Variants in VPS13B observed in about 807,000 individuals in gnomAD.
VPS13B encodes vacuolar protein sorting 13 homolog B, also known as intermembrane lipid transfer protein VPS13B.
Under a neutral mutation model 426.4 loss-of-function variants are expected in VPS13B, and 285 were observed. That is an observed-to-expected ratio of 0.67 (90% CI 0.61 to 0.74). The LOEUF (loss-of-function observed/expected upper bound fraction) is 0.74, where lower values mean the gene tolerates loss of function less well. Ranked by LOEUF, VPS13B falls within the 30% of genes least tolerant of loss-of-function variation. The pLI, the probability that VPS13B is intolerant of heterozygous loss-of-function variation, is 0.00. For synonymous variants in VPS13B, 1,676 were observed against 1,676.4 expected, an observed-to-expected ratio of 1.00 and a Z score of 0.01; for missense variants, 4,537 against 4,782.6, an observed-to-expected ratio of 0.95 and a Z score of 1.51.
At chr8:99,513,855 T>C (rs1821918841) in intron 29 of VPS13B, among the ~76,000 whole-genome samples, 1 of 152,168 alleles carries the variant, frequency 6.6e-6, no homozygotes, top group African/African-American at 2.4e-5. Context: ...TTAAAATGGG[T>C]ATCTAATAAT....
At position 99,025,666 on chromosome 8, in the gene VPS13B, C is replaced by T. The variant is rs530285533; in HGVS notation, c.147+11731C>T. Among the ~76,000 whole-genome samples, 4 of 152,164 alleles carry T rather than the reference C, an allele frequency of 2.6e-5. No homozygotes were observed. The East Asian group carries it at 5.8e-4, about 22-fold the overall frequency. On this transcript the variant is annotated intron_variant, in intron 2 of 61. Coordinates refer to ENST00000357162, the MANE Select transcript of VPS13B (RefSeq NM_152564.5). ...TCTTTTTCAAAAGTTTAGTGGAATT[C>T]AGTAGTGAAGCCATTCAGTCCCAGG...
chr8:99,188,215 A>C (rs1204604145), intron 16 of VPS13B, among the ~76,000 whole-genome samples: 1 of 152,118 alleles, frequency 6.6e-6, no homozygotes, highest in African/African-American at 2.4e-5. Flanking sequence ...GGTTTTTACT[A>C]TATTCACAGT....
At chr8:99,022,154 T>G (rs925436683) in intron 2 of VPS13B, among the ~76,000 whole-genome samples, 5 of 151,824 alleles carry the variant, frequency 3.3e-5, no homozygotes, top group Non-Finnish European at 5.9e-5. Flanking sequence ...TCTTTCACTT[T>G]TTTTGGATTT....
At chr8:99,168,295 A>T (rs1446506107) in intron 15 of VPS13B, among the ~76,000 whole-genome samples, 1 of 152,050 alleles carries the variant, frequency 6.6e-6, no homozygotes, top group Non-Finnish European at 1.5e-5. Flanking sequence ...AGTTTCCCCA[A>T]AGCCCTTTGC....
In VPS13B at chr8:99,442,548, C is replaced by T; in HGVS notation, c.3358C>T (p.Gln1120Ter). 1 of 1,613,936 alleles carries T rather than the reference C, an allele frequency of 6.2e-7. No individual in the cohort carries two copies. The highest frequency in any genetic ancestry group is 8.5e-7 in the Non-Finnish European group (1 of 1,179,910). Reference protein sequence around the residue: ...MPGTLVLCLPQIKIISAGHKY... With the variant: ...MPGTLVLCLP ...GGGAACACTTGTCCTCTGTTTGCCT[C>T]AAATAAAGATTATTAGTGCTGGGCA... is the stretch of plus-strand genomic sequence containing the variant. Residue 1120 changes from glutamine (Q) to a stop codon, truncating the protein, a stop_gained, in exon 23 of 62, where the codon CAA (glutamine) becomes TAA (stop). Transcript: ENST00000357162. LOFTEE classifies it high-confidence loss of function.
intron 39 of VPS13B, among the ~76,000 whole-genome samples, chr8:99,766,066 C>CTTTTTTTTTTTT (rs71274933): frequency 1.9e-5 from 1 of 52,314 alleles, no homozygotes; most frequent in Non-Finnish European, 3.2e-5. Flanking sequence ...ACCTTCATTA[C>CTTTTTTTTTTTT]TTTTTTTTTT....
At chr8:99,474,713 A>C (rs972585902) in intron 24 of VPS13B, among the ~76,000 whole-genome samples, 1 of 152,208 alleles carries the variant, frequency 6.6e-6, no homozygotes, top group African/African-American at 2.4e-5. Context: ...CAATATGTGG[A>C]CCAACTGGAA....
intron 17 of VPS13B, chr8:99,233,714 G>A: frequency 2.5e-6 from 2 of 784,584 alleles, no homozygotes; most frequent in Non-Finnish European, 4.7e-6. Context: ...CTGCAAGGAT[G>A]AGATTGTTAT....
At chr8:99,077,258 C>T (rs1989645) in intron 3 of VPS13B, among the ~76,000 whole-genome samples, 111,600 of 151,874 alleles carry the variant, frequency 0.73, 41,738 homozygotes, top group South Asian at 0.87. Flanking sequence ...CTGCAACCTC[C>T]GCCTCCCAGG....
intron 25 of VPS13B, 119 bp from the exon 26 acceptor site, chr8:99,501,568 T>C (rs1009551387): frequency 1.0e-6 from 1 of 965,116 alleles, no homozygotes; most frequent in Non-Finnish European, 1.6e-6. Context: ...ATGATTATCA[T>C]TTGCATGTAA....
intron 34 of VPS13B, among the ~76,000 whole-genome samples, chr8:99,657,626 G>A (rs1252624416): frequency 1.3e-5 from 2 of 151,996 alleles, no homozygotes; most frequent in Non-Finnish European, 2.9e-5. Flanking sequence ...GTTATCAGTA[G>A]CATAGTATTC....
At chr8:99,025,216 T>A (rs1842076089) in intron 2 of VPS13B, among the ~76,000 whole-genome samples, 1 of 152,186 alleles carries the variant, frequency 6.6e-6, no homozygotes, top group African/African-American at 2.4e-5. Flanking sequence ...TGAGATCTTG[T>A]CTTCTGCAAA....
chr8:99,776,837 C>G lies in VPS13B; in HGVS notation c.7310C>G (p.Ala2437Gly). The change falls in exon 41 of 62, where the codon GCT becomes GGT. Residue 2437 changes from alanine to glycine, a missense_variant. Transcript: ENST00000357162. Reference sequence around the variant, plus strand: ...CCACTTGTGACTCCAACAGCCCTGGCTGCCTGTACCAGAGTTGACTCCTGC... The same window carrying G: ...CCACTTGTGACTCCAACAGCCCTGGGTGCCTGTACCAGAGTTGACTCCTGC... The part of the protein sequence containing the change: ...CDPLVTPTAL[A>G]ACTRVDSCFT... 1 of 1,614,076 alleles carries G rather than the reference C, an allele frequency of 6.2e-7. No individual in the cohort carries two copies. The highest frequency in any genetic ancestry group is 8.5e-7 in the Non-Finnish European group (1 of 1,179,956).
At chr8:99,132,519 A>G (rs1390849076) in intron 8 of VPS13B, among the ~76,000 whole-genome samples, 3 of 152,154 alleles carry the variant, frequency 2.0e-5, no homozygotes, top group South Asian at 2.1e-4. Context: ...ACCTCTTTCT[A>G]TGAATCACAA....
intron 21 of VPS13B, among the ~76,000 whole-genome samples, chr8:99,430,166 A>G (rs576428835): frequency 1.8e-4 from 28 of 152,324 alleles, no homozygotes; most frequent in African/African-American, 6.3e-4. Flanking sequence ...ATATATGACA[A>G]TATAACTATG....
At chr8:99,428,601 T>C (rs1333856627) in intron 21 of VPS13B, among the ~76,000 whole-genome samples, 1 of 152,082 alleles carries the variant, frequency 6.6e-6, no homozygotes, top group East Asian at 1.9e-4. Context: ...CTCACACCAG[T>C]TAGAATGGTG....
chr8:99,691,336 A>C, intron 35 of VPS13B, among the ~76,000 whole-genome samples: 1 of 152,142 alleles, frequency 6.6e-6, no homozygotes, highest in African/African-American at 2.4e-5. Flanking sequence ...TATACTAAAA[A>C]CAATAAATTG....
intron 3 of VPS13B, among the ~76,000 whole-genome samples, chr8:99,039,457 A>G (rs1410192820): frequency 3.3e-5 from 5 of 152,134 alleles, no homozygotes; most frequent in East Asian, 1.9e-4. Flanking sequence ...TAGGAAAGCA[A>G]AATAGGTCAG....
chr8:99,513,865 T>A (rs985509592), intron 29 of VPS13B, among the ~76,000 whole-genome samples: 2 of 152,204 alleles, frequency 1.3e-5, no homozygotes, highest in African/African-American at 4.8e-5. Context: ...TATCTAATAA[T>A]GTATACACTG....
Sources: allele counts gnomAD v4.1 joint callset (sites outside exome capture counted in the v4.1 genomes callset), GRCh38; gene constraint gnomAD v4.1.1; transcripts MANE v1.5; gene names NCBI Gene and HGNC (gene_info 2026-07-23, HGNC 2026-07-21).